Variants in FMN2 observed in about 807,000 individuals in gnomAD.
The protein encoded by FMN2 is formin 2, also known as formin-2.
A neutral mutation model predicts 142.3 loss-of-function variants in FMN2; 51 were observed. The observed-to-expected ratio is 0.36, with a 90% CI of 0.29 to 0.45. The LOEUF is 0.45. Among genes scored for constraint, FMN2 ranks in the 20% least tolerant of loss-of-function variants. FMN2 has a pLI of 1.00. For missense variants in FMN2, 1,936 were observed against 2,122.8 expected, an observed-to-expected ratio of 0.91 and a Z score of 1.73; for synonymous variants, 882 against 869.8, an observed-to-expected ratio of 1.01 and a Z score of -0.25.
intron 16 of FMN2, among the ~76,000 whole-genome samples, chr1:240,440,917 C>G (rs900675883): frequency 6.6e-6 from 1 of 151,764 alleles, no homozygotes; most frequent in Non-Finnish European, 1.5e-5. Flanking sequence ...AAAGCAACCA[C>G]AGAGCCCTTC....
At chr1:240,171,391 A>G in intron 2 of FMN2, 1 of 548,026 alleles carries the variant, frequency 1.8e-6, no homozygotes, top group South Asian at 2.2e-5. Context: ...CAGCTACTCC[A>G]GAGAATGGTG....
intron 2 of FMN2, among the ~76,000 whole-genome samples, chr1:240,177,325 C>A (rs144509820): frequency 6.6e-6 from 1 of 150,976 alleles, no homozygotes; most frequent in East Asian, 1.9e-4. Context: ...CTGTAGCTGG[C>A]GAGGTCTTTC....
At chr1:240,467,075 C>G (rs1318744241) in intron 16 of FMN2, among the ~76,000 whole-genome samples, 1 of 152,086 alleles carries the variant, frequency 6.6e-6, no homozygotes, top group African/African-American at 2.4e-5. Context: ...TGATCACAGC[C>G]TATCATCCTA....
intron 4 of FMN2, among the ~76,000 whole-genome samples, chr1:240,201,838 T>A (rs774645927): frequency 6.6e-6 from 1 of 152,138 alleles, no homozygotes; most frequent in Non-Finnish European, 1.5e-5. Context: ...GAAACAGAAG[T>A]GTTTACTATA....
intron 2 of FMN2, among the ~76,000 whole-genome samples, chr1:240,156,641 T>C (rs1664036969): frequency 6.6e-6 from 1 of 152,176 alleles, no homozygotes; most frequent in Non-Finnish European, 1.5e-5. Context: ...GGTGGTGGGC[T>C]GAAATCCTAG....
Position 240,238,607 on chromosome 1 carries a change from A to G in FMN2, c.4066-19338A>G, listed in dbSNP as rs192488428. ...GATAAATTTTTAAGAAAATTATTGGAAAGTATGAAGTTTTTATTTGTTCAT... is the reference window on the plus strand; with the variant it reads ...GATAAATTTTTAAGAAAATTATTGGGAAGTATGAAGTTTTTATTTGTTCAT... On this transcript the variant is annotated intron_variant, in intron 6 of 17. Coordinates refer to ENST00000319653, the MANE Select transcript of FMN2 (RefSeq NM_020066.5). Among the ~76,000 whole-genome samples the G allele has an allele frequency of 5.3e-5, 8 of 152,314 alleles. No homozygotes were observed. In the East Asian group the frequency reaches 7.7e-4, roughly 15 times the overall value.
In FMN2 at chr1:240,425,633, G is replaced by T. The variant is rs115771379; in HGVS notation, c.4911-12428G>T. 3.4e-3 allele frequency among the ~76,000 whole-genome samples: 514 copies of T among 152,286 alleles called. 2 individuals carry two copies. Among genetic ancestry groups the T allele is most frequent in the African/African-American group, 0.011 (464 of 41,554 alleles). On this transcript the variant is annotated intron_variant, in intron 15 of 17. Transcript: ENST00000319653. ...ATTTTCTGAACAGGATCATGAAAGG[G>T]TTTACCCTGATCAGGAAAGGGTTTC...
At chr1:240,173,454 G>A (rs2103315160) in intron 2 of FMN2, among the ~76,000 whole-genome samples, 1 of 152,312 alleles carries the variant, frequency 6.6e-6, no homozygotes, top group South Asian at 2.1e-4. Flanking sequence ...CCATTCAGGA[G>A]TGGCCTTTCA....
chr1:240,369,686 C>T (rs993543846), intron 14 of FMN2, among the ~76,000 whole-genome samples: 1 of 152,204 alleles, frequency 6.6e-6, no homozygotes, highest in Non-Finnish European at 1.5e-5. Context: ...TCTGCTTTCT[C>T]TATTCCCTTG....
rs1444049835 is a variant in FMN2, at chr1:240,294,952, T to C, written c.4215+69T>C. ...CACAGTACATGTCTATGTGCACATA[T>C]AGGCTCTTTGTTTTAAGGTCCTCTA... On this transcript the variant is annotated intron_variant, in intron 8 of 17. Transcript: ENST00000319653. 30 of 1,397,398 alleles carry C rather than the reference T, an allele frequency of 2.1e-5. No individual in the cohort carries two copies. In the Admixed American group the frequency reaches 5.1e-4, roughly 24 times the overall value. 86.6% of individuals were successfully genotyped at this position (1,397,398 alleles called of 1,614,324 possible).
intron 2 of FMN2, among the ~76,000 whole-genome samples, chr1:240,176,097 G>A (rs1264786326): frequency 6.6e-6 from 1 of 152,014 alleles, no homozygotes; most frequent in Non-Finnish European, 1.5e-5. Context: ...TGTTCCTTGT[G>A]CTTTTGTTGT....
intron 3 of FMN2, chr1:240,179,350 A>T (rs558912022): frequency 6.6e-6 from 1 of 152,194 alleles, no homozygotes; most frequent in Non-Finnish European, 1.5e-5. Flanking sequence ...GGAGGAATGA[A>T]TTTGCGCCTT....
chr1:240,447,044 C>T (rs1242202567), intron 16 of FMN2, among the ~76,000 whole-genome samples: 4 of 152,176 alleles, frequency 2.6e-5, no homozygotes, highest in Non-Finnish European at 5.9e-5. Context: ...AAGAGATTGC[C>T]TCCACCTAGA....
chr1:240,160,425 T>A, intron 2 of FMN2, among the ~76,000 whole-genome samples: 1 of 150,716 alleles, frequency 6.6e-6, no homozygotes, highest in African/African-American at 2.4e-5. Flanking sequence ...GCTTCACATT[T>A]AAAAGCCACA....
At chr1:240,368,973 A>ATAT (rs1553370035) in intron 14 of FMN2, among the ~76,000 whole-genome samples, 1 of 151,154 alleles carries the variant, frequency 6.6e-6, no homozygotes, top group African/African-American at 2.4e-5. Flanking sequence ...ATATATATAT[A>ATAT]AACACAGAGT....
chr1:240,437,454 C>T (rs1675428593), intron 15 of FMN2, among the ~76,000 whole-genome samples: 1 of 151,972 alleles, frequency 6.6e-6, no homozygotes, highest in Admixed American at 6.6e-5. Flanking sequence ...CACCACCATG[C>T]CCGGCTAATT....
At chr1:240,325,652 T>A (rs1437039115) in intron 8 of FMN2, among the ~76,000 whole-genome samples, 1 of 152,222 alleles carries the variant, frequency 6.6e-6, no homozygotes. Context: ...TACATGTTCT[T>A]ACTGAAATCG....
At chr1:240,394,249 C>T (rs1673700577) in intron 15 of FMN2, among the ~76,000 whole-genome samples, 1 of 152,134 alleles carries the variant, frequency 6.6e-6, no homozygotes, top group Non-Finnish European at 1.5e-5. Flanking sequence ...ACAAATGTAA[C>T]TTTCTCAAGT....
chr1:240,374,586 T>G (rs1672983074), intron 14 of FMN2, among the ~76,000 whole-genome samples: 1 of 152,212 alleles, frequency 6.6e-6, no homozygotes, highest in Non-Finnish European at 1.5e-5. Context: ...GGCTTCAAAC[T>G]TTTCTTCTAT....
Sources: gnomAD v4.1 joint callset for allele counts (sites outside exome capture counted in the v4.1 genomes callset) on GRCh38, gnomAD v4.1.1 for gene constraint, MANE v1.5 for transcripts, NCBI Gene and HGNC (gene_info 2026-07-23, HGNC 2026-07-21) for gene names.